The following CDH18 variants were observed in gnomAD, a reference collection of about 807,000 sequenced individuals.
CDH18 encodes cadherin 18.
In CDH18, 31 loss-of-function variants were observed where a neutral mutation model predicts 67.9. The observed-to-expected ratio is 0.46, with a 90% CI of 0.34 to 0.62. CDH18 has a LOEUF of 0.62. Among genes scored for constraint, CDH18 ranks in the 20% least tolerant of loss-of-function variants. The pLI is 0.01. For synonymous variants in CDH18, 362 were observed against 347.2 expected (o/e 1.04, Z -0.48); for missense variants, 890 against 975.5 (o/e 0.91, Z 1.17).
intron 5 of CDH18, among the ~76,000 whole-genome samples, chr5:19,623,650 T>A (rs1288516946): frequency 6.6e-6 from 1 of 152,026 alleles, no homozygotes; most frequent in Non-Finnish European, 1.5e-5. Flanking sequence ...TTATGTAGAT[T>A]TTTTTAGTCA....
intron 1 of CDH18, among the ~76,000 whole-genome samples, chr5:20,359,914 G>C (rs192081322): frequency 1.3e-5 from 2 of 151,560 alleles, no homozygotes; most frequent in Non-Finnish European, 2.9e-5. Flanking sequence ...AGCTTTGGGT[G>C]AATATTATAG....
At chr5:20,269,423 G>A (rs77367945) in intron 1 of CDH18, among the ~76,000 whole-genome samples, 2,538 of 152,124 alleles carry the variant, frequency 0.017, 36 homozygotes, top group Non-Finnish European at 0.025. Context: ...CCTCACTCCT[G>A]TGTTTATCAC....
chr5:20,399,775 T>C (rs1231158993), intron 1 of CDH18, among the ~76,000 whole-genome samples: 1 of 152,210 alleles, frequency 6.6e-6, no homozygotes, highest in Non-Finnish European at 1.5e-5. Flanking sequence ...CTCAGTATCT[T>C]TGAATCCTTT....
chr5:19,570,919 G>A (rs1741275429), intron 8 of CDH18, among the ~76,000 whole-genome samples: 1 of 152,144 alleles, frequency 6.6e-6, no homozygotes, highest in Non-Finnish European at 1.5e-5. Flanking sequence ...GATTCCACAT[G>A]ACTGAATGAC....
chr5:19,910,973 T>C (rs1463746839), intron 2 of CDH18, among the ~76,000 whole-genome samples: 1 of 152,096 alleles, frequency 6.6e-6, no homozygotes, highest in African/African-American at 2.4e-5. Flanking sequence ...TAAAGCTAAG[T>C]AGGTACCTAC....
intron 3 of CDH18, among the ~76,000 whole-genome samples, chr5:19,776,189 C>A (rs948592140): frequency 6.6e-6 from 1 of 152,036 alleles, no homozygotes; most frequent in Non-Finnish European, 1.5e-5. Flanking sequence ...AGATTTGACA[C>A]AATAAAGAAA....
chr5:19,575,230 G>T (rs1031459699), intron 7 of CDH18, among the ~76,000 whole-genome samples: 1 of 152,022 alleles, frequency 6.6e-6, no homozygotes, highest in African/African-American at 2.4e-5. Context: ...AAAATTTATT[G>T]GTTATTTAAA....
At chr5:20,558,534 G>A (rs908653358) in intron 1 of CDH18, among the ~76,000 whole-genome samples, 4 of 152,086 alleles carry the variant, frequency 2.6e-5, no homozygotes, top group African/African-American at 9.7e-5. Context: ...ATGCAGCGAA[G>A]GGGCCAGAGT....
At chr5:20,479,152 C>G (rs192029088) in intron 1 of CDH18, among the ~76,000 whole-genome samples, 51 of 152,228 alleles carry the variant, frequency 3.4e-4, no homozygotes, top group Admixed American at 7.2e-4. Context: ...AAGATAGATA[C>G]AAGCAAACCC....
intron 2 of CDH18, among the ~76,000 whole-genome samples, chr5:20,041,009 G>A (rs1043539021): frequency 6.6e-6 from 1 of 152,132 alleles, no homozygotes; most frequent in African/African-American, 2.4e-5. Context: ...ATTTATGAGA[G>A]CGGTAACATT....
intron 1 of CDH18, among the ~76,000 whole-genome samples, chr5:20,519,384 A>G (rs947615930): frequency 2.0e-5 from 3 of 151,952 alleles, no homozygotes; most frequent in African/African-American, 7.3e-5. Flanking sequence ...AAAACCAAAC[A>G]CCGCATGTTC....
chr5:20,008,721 AT>A (rs1737144508), intron 2 of CDH18, among the ~76,000 whole-genome samples: 1 of 152,164 alleles, frequency 6.6e-6, no homozygotes, highest in Non-Finnish European at 1.5e-5. Flanking sequence ...CTGCCAAGCA[AT>A]TTATGCCCGG....
chr5:19,481,843 T>C (rs925773544), intron 12 of CDH18, among the ~76,000 whole-genome samples: 17 of 152,100 alleles, frequency 1.1e-4, no homozygotes, highest in African/African-American at 3.9e-4. Context: ...ATAAAAGGAA[T>C]AAAAAACAGG....
chr5:19,614,010 A>C (rs1749424878), intron 5 of CDH18, among the ~76,000 whole-genome samples: 1 of 152,134 alleles, frequency 6.6e-6, no homozygotes. Context: ...CTCGCACTTG[A>C]TTAGTTACAG....
chr5:19,596,287 G>A (rs1746150146), intron 6 of CDH18, among the ~76,000 whole-genome samples: 1 of 152,188 alleles, frequency 6.6e-6, no homozygotes, highest in Admixed American at 6.5e-5. Flanking sequence ...CACTGGCCTT[G>A]AAAATATCAT....
chr5:20,067,751 C>T (rs899729675), intron 2 of CDH18, among the ~76,000 whole-genome samples: 6 of 152,010 alleles, frequency 3.9e-5, no homozygotes, highest in African/African-American at 7.2e-5. Flanking sequence ...TGCTCACTAA[C>T]GATGAACATT....
chr5:19,999,326 A>G (rs1736259416), intron 2 of CDH18, among the ~76,000 whole-genome samples: 1 of 152,122 alleles, frequency 6.6e-6, no homozygotes, highest in Non-Finnish European at 1.5e-5. Context: ...GCAACCGGGC[A>G]GGGTGACTCA....
chr5:20,373,572 A>T (rs1339647219), intron 1 of CDH18, among the ~76,000 whole-genome samples: 1 of 152,018 alleles, frequency 6.6e-6, no homozygotes, highest in African/African-American at 2.4e-5. Context: ...ATCTTTTGTA[A>T]ATTTCAGCAT....
chr5:19,495,359 T>C (rs1020940213), intron 11 of CDH18, among the ~76,000 whole-genome samples: 9 of 152,180 alleles, frequency 5.9e-5, no homozygotes, highest in African/African-American at 2.2e-4. Flanking sequence ...AAATGGTTCT[T>C]CATTTATAAA....
Sources: allele counts gnomAD v4.1 joint callset (sites outside exome capture counted in the v4.1 genomes callset), GRCh38; gene constraint gnomAD v4.1.1; transcripts MANE v1.5; gene names NCBI Gene and HGNC (gene_info 2026-07-23, HGNC 2026-07-21).